Variants in RUNDC3B observed in about 807,000 individuals in gnomAD.
RUNDC3B encodes the protein RUN domain-containing protein 3B.
A neutral mutation model predicts 58.4 loss-of-function variants in RUNDC3B; 33 were observed. That is an observed-to-expected ratio of 0.56 (90% confidence interval 0.43 to 0.75). The LOEUF is 0.75. Among genes scored for constraint, RUNDC3B ranks in the 30% least tolerant of loss-of-function variants. RUNDC3B has a pLI of 0.00. For missense variants in RUNDC3B, 501 were observed against 535.7 expected (o/e 0.94, Z 0.64); for synonymous variants, 193 against 195.2 (o/e 0.99, Z 0.10).
chr7:87,703,122 A>G (rs2188530), intron 3 of RUNDC3B, among the ~76,000 whole-genome samples: 7,353 of 152,304 alleles, frequency 0.048, 262 homozygotes, highest in East Asian at 0.091. Context: ...TTTTAAGATG[A>G]AGACATAATT....
At chr7:87,678,215 A>G (rs1826573539) in intron 2 of RUNDC3B, among the ~76,000 whole-genome samples, 2 of 152,144 alleles carry the variant, frequency 1.3e-5, no homozygotes, top group Non-Finnish European at 2.9e-5. Context: ...CAGCCTCTCA[A>G]AGTTCTGGGA....
At chr7:87,736,868 TA>T (rs2130804080) in intron 4 of RUNDC3B, among the ~76,000 whole-genome samples, 1 of 38,764 alleles carries the variant, frequency 2.6e-5, no homozygotes, top group East Asian at 6.8e-4. Context: ...TATATATATA[TA>T]TATATATATA....
chr7:87,774,415 A>G (rs539986797), intron 7 of RUNDC3B, among the ~76,000 whole-genome samples: 7 of 152,118 alleles, frequency 4.6e-5, no homozygotes, highest in Non-Finnish European at 1.0e-4. Flanking sequence ...GTAAAAAAGA[A>G]ACAGAATTAA....
At chr7:87,631,506 T>C (rs1821218797) in intron 1 of RUNDC3B, among the ~76,000 whole-genome samples, 1 of 152,218 alleles carries the variant, frequency 6.6e-6, no homozygotes, top group African/African-American at 2.4e-5. Flanking sequence ...TTCTCCTGCC[T>C]CAGCCTCCTG....
intron 6 of RUNDC3B, among the ~76,000 whole-genome samples, chr7:87,752,589 C>G (rs1584105511): frequency 1.3e-5 from 2 of 152,190 alleles, no homozygotes; most frequent in South Asian, 4.2e-4. Context: ...CAACTTCTTC[C>G]TGGTTTAGTC....
intron 9 of RUNDC3B, among the ~76,000 whole-genome samples, chr7:87,814,589 G>C (rs1836925766): frequency 6.6e-6 from 1 of 152,022 alleles, no homozygotes; most frequent in Non-Finnish European, 1.5e-5. Context: ...TAGTTGTGAG[G>C]ATGAAATAAG....
At chr7:87,715,143 C>T (rs1407482100) in intron 4 of RUNDC3B, among the ~76,000 whole-genome samples, 2 of 146,052 alleles carry the variant, frequency 1.4e-5, no homozygotes, top group Non-Finnish European at 3.0e-5. Context: ...TCCAGTGAAG[C>T]CACAGGTAGT....
At chr7:87,665,633 A>G (rs1288936849) in intron 2 of RUNDC3B, among the ~76,000 whole-genome samples, 2 of 152,094 alleles carry the variant, frequency 1.3e-5, no homozygotes, top group African/African-American at 4.8e-5. Context: ...AATTAATTTT[A>G]TTACCCAGGT....
At chr7:87,720,690 T>G (rs1830830249) in intron 4 of RUNDC3B, among the ~76,000 whole-genome samples, 1 of 151,114 alleles carries the variant, frequency 6.6e-6, no homozygotes, top group Non-Finnish European at 1.5e-5. Context: ...AGCCTCCACC[T>G]CCTGGGTTCA....
intron 2 of RUNDC3B, among the ~76,000 whole-genome samples, chr7:87,664,833 T>G (rs929048937): frequency 1.3e-5 from 2 of 152,094 alleles, no homozygotes; most frequent in Non-Finnish European, 2.9e-5. Context: ...TAGCTATAAG[T>G]TCCTAGATTT....
intron 8 of RUNDC3B, among the ~76,000 whole-genome samples, chr7:87,794,124 G>A (rs553886767): frequency 6.6e-6 from 1 of 152,220 alleles, no homozygotes; most frequent in South Asian, 2.1e-4. Flanking sequence ...TCAAGGAAGT[G>A]AAAGTTCTCT....
At chr7:87,713,646 T>TAA (rs527802276) in intron 4 of RUNDC3B, among the ~76,000 whole-genome samples, 10 of 97,972 alleles carry the variant, frequency 1.0e-4, no homozygotes, top group Non-Finnish European at 1.1e-4. Context: ...GAATCTAAGC[T>TAA]AAAAAAAAAA....
intron 2 of RUNDC3B, among the ~76,000 whole-genome samples, chr7:87,670,706 G>A (rs1825740320): frequency 6.6e-6 from 1 of 152,192 alleles, no homozygotes; most frequent in South Asian, 2.1e-4. Context: ...ATTTGAAGCT[G>A]ACTTCTTGAC....
chr7:87,758,274 AT>A (rs1833481795), intron 6 of RUNDC3B, among the ~76,000 whole-genome samples: 1 of 152,172 alleles, frequency 6.6e-6, no homozygotes, highest in Non-Finnish European at 1.5e-5. Context: ...GTGAGTCATG[AT>A]TGTGCCACTG....
At chr7:87,826,632 T>C (rs1022287882) in intron 10 of RUNDC3B, among the ~76,000 whole-genome samples, 7 of 152,080 alleles carry the variant, frequency 4.6e-5, no homozygotes, top group Admixed American at 1.3e-4. Context: ...CAAATTTACA[T>C]GTTTATAGAG....
chr7:87,706,213 C>G (rs1442987931), intron 3 of RUNDC3B, among the ~76,000 whole-genome samples: 1 of 152,094 alleles, frequency 6.6e-6, no homozygotes, highest in Non-Finnish European at 1.5e-5. Context: ...GCTAAGCAAG[C>G]TGAAGAATAC....
chr7:87,789,814 G>A (rs1293682676), intron 8 of RUNDC3B, among the ~76,000 whole-genome samples: 1 of 152,160 alleles, frequency 6.6e-6, no homozygotes, highest in Non-Finnish European at 1.5e-5. Flanking sequence ...TGAAGAAAGA[G>A]CAAGAACGAC....
intron 2 of RUNDC3B, among the ~76,000 whole-genome samples, chr7:87,699,669 G>T (rs1274131194): frequency 1.3e-5 from 2 of 152,204 alleles, no homozygotes; most frequent in African/African-American, 4.8e-5. Context: ...GCCTTCCAAA[G>T]TGCTGAGATT....
chr7:87,742,313 C>G (rs924145131), intron 6 of RUNDC3B, among the ~76,000 whole-genome samples: 2 of 152,136 alleles, frequency 1.3e-5, no homozygotes, highest in African/African-American at 4.8e-5. Flanking sequence ...ATCACCTGAG[C>G]AGTGTACACT....
Sources: allele counts gnomAD v4.1 joint callset (sites outside exome capture counted in the v4.1 genomes callset), GRCh38; gene constraint gnomAD v4.1.1; transcripts MANE v1.5; gene names NCBI Gene and HGNC (gene_info 2026-07-23, HGNC 2026-07-21).